Variants in CNOT2 observed in about 807,000 individuals in gnomAD.
CNOT2 encodes the protein CC chemokine receptor 4-negative regulator of transcription 2.
A neutral mutation model predicts 72.1 loss-of-function variants in CNOT2; 7 were observed. That is an observed-to-expected ratio of 0.10 (90% CI 0.06 to 0.18). The LOEUF is 0.18. CNOT2 is among the 10% of genes least tolerant of loss of function. The probability of loss-of-function intolerance (pLI) is 1.00; values close to 1 mark genes in which losing one functional copy is unlikely to be tolerated. For missense variants in CNOT2, 345 were observed against 660.3 expected, an observed-to-expected ratio of 0.52 and a Z score of 5.23; for synonymous variants, 196 against 225.6, an observed-to-expected ratio of 0.87 and a Z score of 1.17.
At position 70,278,255 on chromosome 12, in the gene CNOT2, C is replaced by A. The variant is rs1192677994; in HGVS notation, c.29C>A (p.Ser10Tyr). Residue 10 changes from serine to tyrosine, a missense_variant, in exon 2 of 16, where the codon TCT becomes TAT. Ser to Tyr is a moderately radical substitution (Grantham distance 144, BLOSUM62 -2). Around this residue, in one of 4 missense-constraint regions of CNOT2, gnomAD observed 157 missense variants for 235.3 expected, o/e 0.67. Coordinates refer to ENST00000229195, the MANE Select transcript of CNOT2 (RefSeq NM_014515.7). The stretch of plus-strand genomic sequence containing the variant: ...GTGAGGACTGATGGACATACATTAT[C>A]TGAGAAAAGAAACTACCAGGTAAGA... MVRTDGHTL[S>Y]EKRNYQVTNS... 3 of 1,611,288 alleles carry A rather than the reference C, an allele frequency of 1.9e-6. No homozygotes were observed. The highest frequency in any genetic ancestry group is 1.3e-5 in the African/African-American group (1 of 74,846).
intron 1 of CNOT2, among the ~76,000 whole-genome samples, chr12:70,245,270 G>A (rs1244280979): frequency 6.6e-6 from 1 of 152,130 alleles, no homozygotes; most frequent in Non-Finnish European, 1.5e-5. Flanking sequence ...TACACTTAAA[G>A]ACAAAACATG....
intron 6 of CNOT2, 65 bp from the exon 7 acceptor site, chr12:70,332,695 ACACTTCT>A: frequency 2.0e-6 from 3 of 1,469,044 alleles, no homozygotes; most frequent in Non-Finnish European, 2.7e-6. Context: ...CCAAAAATAC[ACACTTCT>A]GTTTTTCTTC....
At chr12:70,248,104 AT>A (rs1957970340) in intron 1 of CNOT2, among the ~76,000 whole-genome samples, 1 of 152,160 alleles carries the variant, frequency 6.6e-6, no homozygotes, top group Admixed American at 6.5e-5. Flanking sequence ...TTGTATGGTT[AT>A]GGCTATTATG....
intron 14 of CNOT2, 60 bp downstream of exon 14, chr12:70,344,288 CA>C (rs1565834725): frequency 2.0e-6 from 2 of 1,005,638 alleles, no homozygotes; most frequent in South Asian, 2.7e-5. Flanking sequence ...ATGCTGAAAA[CA>C]TCTTTAAGTG....
chr12:70,339,738 CT>C (rs1430678336), intron 11 of CNOT2, among the ~76,000 whole-genome samples: 3 of 152,138 alleles, frequency 2.0e-5, no homozygotes, highest in Non-Finnish European at 2.9e-5. Context: ...CTGCATGCCC[CT>C]AATACCTTTT....
At chr12:70,346,863 T>C (rs571072467) in intron 15 of CNOT2, among the ~76,000 whole-genome samples, 10 of 152,230 alleles carry the variant, frequency 6.6e-5, no homozygotes, top group Non-Finnish European at 7.3e-5. Flanking sequence ...ATTTTGGTTT[T>C]GCAACTTTTC....
chr12:70,281,898 A>G (rs1024848743), intron 2 of CNOT2, among the ~76,000 whole-genome samples: 1 of 115,262 alleles, frequency 8.7e-6, no homozygotes, highest in Non-Finnish European at 2.1e-5. Context: ...CACATTAACC[A>G]CATTTCAAAT....
chr12:70,258,607 A>T (rs566002183), intron 1 of CNOT2, among the ~76,000 whole-genome samples: 1 of 152,258 alleles, frequency 6.6e-6, no homozygotes, highest in Non-Finnish European at 1.5e-5. Context: ...CTATTCCAAA[A>T]GAATATAGCA....
At chr12:70,338,874 C>T (rs767809755) in intron 11 of CNOT2, 52 bp downstream of exon 11, 1 of 1,452,638 alleles carries the variant, frequency 6.9e-7, no homozygotes, top group Non-Finnish European at 9.5e-7. Context: ...TTCAGACTTC[C>T]AGTTTTTAAT....
In CNOT2 at chr12:70,353,913, TAAAA is replaced by T. The variant is rs35192504; in HGVS notation, c.*20_*23del. 2.2e-3 allele frequency: 2,833 copies of T among 1,271,282 alleles called. 1 individual carries two copies. Among genetic ancestry groups the T allele is most frequent in the East Asian group, 6.7e-3 (215 of 32,074 alleles). 78.8% of individuals were successfully genotyped at this position (1,271,282 alleles called of 1,614,324 possible). A position where few individuals can be genotyped will look rare whatever the true frequency, so the allele number is the denominator to read the frequency against. On this transcript the variant is annotated stop_retained_variant and 3_prime_UTR_variant, in exon 16 of 16. Coordinates refer to ENST00000229195, the MANE Select transcript of CNOT2 (RefSeq NM_014515.7). ...CTACAACCCTGCTCAGCAAGCCTTC[TAAAA>T]AAAAAAAAAAAAAAAAAAAAAGACT...
At chr12:70,253,908 G>A (rs551748845) in intron 1 of CNOT2, among the ~76,000 whole-genome samples, 1 of 152,154 alleles carries the variant, frequency 6.6e-6, no homozygotes, top group East Asian at 1.9e-4. Context: ...AGTTTAACTT[G>A]CACATTAGGT....
At chr12:70,347,096 G>C (rs999002167) in intron 15 of CNOT2, among the ~76,000 whole-genome samples, 1 of 151,918 alleles carries the variant, frequency 6.6e-6, no homozygotes, top group Non-Finnish European at 1.5e-5. Context: ...TTCCATCAAT[G>C]ATTCTGAGGT....
At chr12:70,301,464 A>G (rs138516263) in intron 2 of CNOT2, among the ~76,000 whole-genome samples, 173 of 140,946 alleles carry the variant, frequency 1.2e-3, no homozygotes, top group African/African-American at 3.8e-3. Flanking sequence ...CCTTTTCTGC[A>G]TCTATTGAGA....
chr12:70,296,642 C>G (rs1593156197), intron 2 of CNOT2, among the ~76,000 whole-genome samples: 3 of 143,798 alleles, frequency 2.1e-5, no homozygotes, highest in African/African-American at 7.6e-5. Context: ...GAATTTGTTT[C>G]TCACATGAAG....
chr12:70,285,664 A>G (rs1474202074), intron 2 of CNOT2: 3 of 151,608 alleles, frequency 2.0e-5, no homozygotes, highest in Non-Finnish European at 2.9e-5. Flanking sequence ...CAAAACTAAA[A>G]CTCGTGAAAC....
At chr12:70,329,775 T>A in intron 5 of CNOT2, 1 of 527,748 alleles carries the variant, frequency 1.9e-6, no homozygotes, top group Non-Finnish European at 3.4e-6. Flanking sequence ...GCATACTGGT[T>A]GTCAGTGGGG....
At chr12:70,350,539 G>GT (rs763715759) in intron 15 of CNOT2, among the ~76,000 whole-genome samples, 5 of 152,188 alleles carry the variant, frequency 3.3e-5, no homozygotes, top group Non-Finnish European at 7.4e-5. Flanking sequence ...TCCAAAATCT[G>GT]TAACTTCTGA....
chr12:70,280,421 C>T (rs1010774259), intron 2 of CNOT2, among the ~76,000 whole-genome samples: 3 of 151,918 alleles, frequency 2.0e-5, no homozygotes, highest in South Asian at 2.1e-4. Context: ...TTAAATCTTC[C>T]GAATTGATGA....
chr12:70,333,287 A>G (rs1207104117), intron 7 of CNOT2, among the ~76,000 whole-genome samples: 4 of 152,026 alleles, frequency 2.6e-5, no homozygotes, highest in Admixed American at 1.3e-4. Context: ...TTTTTTCTTA[A>G]TAGTTTTAAT....
Sources: gnomAD v4.1 joint callset for allele counts (sites outside exome capture counted in the v4.1 genomes callset) on GRCh38, gnomAD v4.1.1 for gene constraint, gnomAD v4.1.1 regional missense constraint, MANE v1.5 for transcripts, NCBI Gene and HGNC (gene_info 2026-07-23, HGNC 2026-07-21) for gene names.